Variants in FSD1L observed in about 807,000 individuals in gnomAD.
The protein encoded by FSD1L is FSD1-like protein.
FSD1L carries 45 observed loss-of-function variants against 71.6 expected under a neutral mutation model. That is an observed-to-expected ratio of 0.63 (90% CI 0.49 to 0.81). The LOEUF (loss-of-function observed/expected upper bound fraction) is 0.81, where lower values mean the gene tolerates loss of function less well. Ranked by LOEUF, FSD1L falls within the 30% of genes least tolerant of loss-of-function variation. The probability of loss-of-function intolerance (pLI) is 0.00; values close to 1 mark genes in which losing one functional copy is unlikely to be tolerated. For missense variants in FSD1L, 561 were observed against 618.1 expected, an observed-to-expected ratio of 0.91 and a Z score of 0.98; for synonymous variants, 197 against 207.2, an observed-to-expected ratio of 0.95 and a Z score of 0.42.
At chr9:105,445,816 T>G (rs912536238), upstream of FSD1L, among the ~76,000 whole-genome samples, 9 of 152,090 alleles carry the variant, frequency 5.9e-5, no homozygotes, top group Non-Finnish European at 1.3e-4. Flanking sequence ...CTCACGGAGT[T>G]GGGAAAGGTT....
intron 7 of FSD1L, among the ~76,000 whole-genome samples, chr9:105,502,705 T>G (rs1589029861): frequency 6.6e-6 from 1 of 152,134 alleles, no homozygotes; most frequent in East Asian, 1.9e-4. Context: ...TCAACCTTAC[T>G]TCTTCCCTTC....
At chr9:105,492,179 T>C (rs1832991364) in intron 7 of FSD1L, among the ~76,000 whole-genome samples, 1 of 152,168 alleles carries the variant, frequency 6.6e-6, no homozygotes, top group African/African-American at 2.4e-5. Context: ...TTTCAGAGCC[T>C]GTTATTGGTC....
intron 10 of FSD1L, among the ~76,000 whole-genome samples, chr9:105,530,166 AATG>A (rs1835801692): frequency 6.6e-6 from 1 of 152,182 alleles, no homozygotes; most frequent in East Asian, 1.9e-4. Flanking sequence ...ATCTTGTAAT[AATG>A]AAAAAGATGA....
chr9:105,453,155 C>A (rs1380364641), intron 1 of FSD1L, among the ~76,000 whole-genome samples: 3 of 146,024 alleles, frequency 2.1e-5, no homozygotes, highest in Non-Finnish European at 3.0e-5. Context: ...TCTCTTGTTG[C>A]CCCAAATAAA....
At chr9:105,534,886 A>T (rs1836165154) in intron 11 of FSD1L, among the ~76,000 whole-genome samples, 181 bp from the exon 12 acceptor site, 1 of 152,216 alleles carries the variant, frequency 6.6e-6, no homozygotes, top group Non-Finnish European at 1.5e-5. Context: ...ATAGTACTAA[A>T]CGTAAAGGTA....
At chr9:105,471,870 T>A (rs976615097) in intron 4 of FSD1L, 34 bp from the exon 5 acceptor site, 3 of 914,922 alleles carry the variant, frequency 3.3e-6, no homozygotes, top group Non-Finnish European at 3.1e-6. Flanking sequence ...GAAACTTCAT[T>A]TTAATGACTT....
At chr9:105,516,745 CA>C (rs1309939146) in intron 10 of FSD1L, among the ~76,000 whole-genome samples, 1 of 152,138 alleles carries the variant, frequency 6.6e-6, no homozygotes, top group African/African-American at 2.4e-5. Context: ...CTGAAAATTC[CA>C]AAAGCCAGAA....
rs974641 is a variant in FSD1L, at chr9:105,535,335, G to C, written c.1378+17G>C. Reference sequence around the variant, plus strand: ...TTGATGGGGGTAAGTTTATTTTCTCGTAGGTTATTTCATCATAGTTGCTTG... The same window carrying C: ...TTGATGGGGGTAAGTTTATTTTCTCCTAGGTTATTTCATCATAGTTGCTTG... On this transcript the variant is annotated intron_variant, in intron 12 of 13. Transcript: ENST00000481272. The C allele has an allele frequency of 1.3e-6, 2 of 1,550,300 alleles. No individual in the cohort carries two copies. The highest frequency in any genetic ancestry group is 1.7e-6 in the Non-Finnish European group (2 of 1,146,428).
chr9:105,517,438 G>A (rs1834801356), intron 10 of FSD1L, among the ~76,000 whole-genome samples: 1 of 152,236 alleles, frequency 6.6e-6, no homozygotes, highest in South Asian at 2.1e-4. Context: ...ACAAAGGGAA[G>A]CCCATCAGAC....
intron 7 of FSD1L, among the ~76,000 whole-genome samples, chr9:105,499,579 T>C (rs1411877250): frequency 6.6e-6 from 1 of 151,956 alleles, no homozygotes; most frequent in African/African-American, 2.4e-5. Flanking sequence ...CGCCCCCACC[T>C]GGCTTCTTTC....
intron 13 of FSD1L, among the ~76,000 whole-genome samples, chr9:105,544,999 T>C (rs1836888338): frequency 6.6e-6 from 1 of 152,200 alleles, no homozygotes; most frequent in African/African-American, 2.4e-5. Context: ...TGGCATTAAA[T>C]CTATAAATTA....
rs188920665 is a variant in FSD1L, at chr9:105,503,346, A to G, written c.587-3053A>G. ...CATAAATGCCACTATAATGTATCCTATAGTACATTATATGTAGTAATATTA... is the reference window on the plus strand; with the variant it reads ...CATAAATGCCACTATAATGTATCCTGTAGTACATTATATGTAGTAATATTA... On this transcript the variant is annotated intron_variant, in intron 7 of 13. Coordinates refer to ENST00000481272, the MANE Select transcript of FSD1L (RefSeq NM_001145313.3). Among the ~76,000 whole-genome samples, 47 of 152,328 alleles carry G rather than the reference A, an allele frequency of 3.1e-4. 1 individual carries two copies. The highest frequency in any genetic ancestry group is 1.1e-3 in the African/African-American group (46 of 41,578).
At chr9:105,444,707 G>C (rs1184598930), upstream of FSD1L, among the ~76,000 whole-genome samples, 1 of 152,168 alleles carries the variant, frequency 6.6e-6, no homozygotes, top group Non-Finnish European at 1.5e-5. Flanking sequence ...AAATGTCTAT[G>C]ACTAGATAGG....
chr9:105,442,522 T>TA, the FSD1L span, among the ~76,000 whole-genome samples: 2,689 of 125,896 alleles, frequency 0.021, 48 homozygotes, highest in African/African-American at 0.052. Context: ...CTACAAAACA[T>TA]AAAAAAAAAA....
chr9:105,480,579 A>G (rs376003034), intron 6 of FSD1L, among the ~76,000 whole-genome samples: 17 of 152,316 alleles, frequency 1.1e-4, no homozygotes, highest in Non-Finnish European at 1.6e-4. Context: ...GGTGTGAGCC[A>G]TTGTGCCTGG....
intron 7 of FSD1L, among the ~76,000 whole-genome samples, chr9:105,503,296 A>G (rs998270801): frequency 6.6e-6 from 1 of 152,190 alleles, no homozygotes. Context: ...ATTAACTTAT[A>G]AAATGAAGAA....
intron 4 of FSD1L, among the ~76,000 whole-genome samples, chr9:105,471,592 C>G (rs865875117): frequency 3.4e-4 from 52 of 151,260 alleles, no homozygotes; most frequent in South Asian, 8.3e-4. Flanking sequence ...CGCTTAGGTC[C>G]CTTTTTGTTT....
chr9:105,528,813 G>A (rs1034627261), intron 10 of FSD1L, among the ~76,000 whole-genome samples: 18 of 152,184 alleles, frequency 1.2e-4, no homozygotes, highest in African/African-American at 3.1e-4. Flanking sequence ...CTTCTGCACA[G>A]CAAAAGAAAC....
chr9:105,485,781 C>T (rs779545734), intron 7 of FSD1L, among the ~76,000 whole-genome samples: 2 of 151,742 alleles, frequency 1.3e-5, no homozygotes, highest in African/African-American at 4.8e-5. Context: ...GTAGCTGGGA[C>T]TACAGGCAGC....
Sources: gnomAD v4.1 joint callset for allele counts (sites outside exome capture counted in the v4.1 genomes callset) on GRCh38, gnomAD v4.1.1 for gene constraint, MANE v1.5 for transcripts, NCBI Gene and HGNC (gene_info 2026-07-23, HGNC 2026-07-21) for gene names.